The following CACNG4 variants were observed in gnomAD, a reference collection of about 807,000 sequenced individuals.
CACNG4 encodes the protein voltage-dependent calcium channel gamma-4 subunit.
Under a neutral mutation model 22.9 loss-of-function variants are expected in CACNG4, and 8 were observed. That is an observed-to-expected ratio of 0.35 (90% CI 0.21 to 0.63). CACNG4 has a LOEUF of 0.63. Among genes scored for constraint, CACNG4 ranks in the 30% least tolerant of loss-of-function variants. CACNG4 has a pLI of 0.72. For synonymous variants in CACNG4, 188 were observed against 191.9 expected, an observed-to-expected ratio of 0.98 and a Z score of 0.17; for missense variants, 357 against 455.4, an observed-to-expected ratio of 0.78 and a Z score of 1.97.
chr17:67,017,285 C>T (rs903174767), intron 1 of CACNG4, among the ~76,000 whole-genome samples: 2 of 152,164 alleles, frequency 1.3e-5, no homozygotes, highest in Non-Finnish European at 2.9e-5. Flanking sequence ...CCATATTGCC[C>T]AGGCTGGTCT....
chr17:66,970,630 A>C (rs939507572), intron 1 of CACNG4, among the ~76,000 whole-genome samples: 1 of 152,172 alleles, frequency 6.6e-6, no homozygotes, highest in Non-Finnish European at 1.5e-5. Context: ...GAGAGAGGGC[A>C]CCAGTTTTTT....
rs149180729 is a variant in CACNG4 at position 66,977,439 on chromosome 17, G to C, written c.220+12308G>C. On this transcript the variant is annotated intron_variant, in intron 1 of 3. Coordinates refer to ENST00000262138, the MANE Select transcript of CACNG4 (RefSeq NM_014405.4). ...TCAATAGGACGGGGGTTGTGGGTGG[G>C]GGATCGATGAGACCTGCATTTGAAT... Among the ~76,000 whole-genome samples the C allele has an allele frequency of 4.0e-3, 603 of 152,246 alleles. 8 individuals carry two copies. Among genetic ancestry groups the C allele is most frequent in the African/African-American group, 0.014 (585 of 41,528 alleles).
rs561691013 is a variant in CACNG4 at position 67,002,155 on chromosome 17, A to T, written c.221-16034A>T. Reference sequence around the variant, plus strand: ...AGTTCCACGTGGCTGGAGAGGCCTCATGATCATAGCAGAAGGCAAAGGAGG... The same window carrying T: ...AGTTCCACGTGGCTGGAGAGGCCTCTTGATCATAGCAGAAGGCAAAGGAGG... On this transcript the variant is annotated intron_variant, in intron 1 of 3. Transcript: ENST00000262138. Among the ~76,000 whole-genome samples, 65 of 152,354 alleles carry T rather than the reference A, an allele frequency of 4.3e-4. 2 individuals carry two copies. The South Asian group carries it at 0.013, about 31-fold the overall frequency.
intron 1 of CACNG4, among the ~76,000 whole-genome samples, chr17:67,000,765 T>C (rs1164665170): frequency 1.3e-5 from 2 of 152,156 alleles, no homozygotes; most frequent in Non-Finnish European, 2.9e-5. Flanking sequence ...TGGACAGCGA[T>C]GGGGGCACAA....
At chr17:67,013,663 G>A (rs547778363) in intron 1 of CACNG4, among the ~76,000 whole-genome samples, 1 of 152,164 alleles carries the variant, frequency 6.6e-6, no homozygotes, top group East Asian at 1.9e-4. Flanking sequence ...AAATTAGCCA[G>A]GCTTAGTGGC....
rs2035155897 is a variant in CACNG4 at position 66,964,846 on chromosome 17, G to A, written c.-66G>A. On this transcript the variant is annotated 5_prime_UTR_variant, in exon 1 of 4. Coordinates refer to ENST00000262138, the MANE Select transcript of CACNG4 (RefSeq NM_014405.4). ...CCCCGGCGCCCCCGGAGCGGCGCGC[G>A]GAGGGAGGAGGGCGGGCGGGCGCGG... 50 of 993,376 alleles carry A rather than the reference G, an allele frequency of 5.0e-5. No homozygotes were observed. The highest frequency in any genetic ancestry group is 1.4e-4 in the South Asian group (3 of 21,320). The allele number at this position is 993,376 out of a possible 1,614,324, so 61.5% of individuals were successfully genotyped here.
In CACNG4 at chr17:66,999,055, G is replaced by A. The variant is rs184982557; in HGVS notation, c.221-19134G>A. On this transcript the variant is annotated intron_variant, in intron 1 of 3. Transcript: ENST00000262138. ...TCAGGCTCTGAAGGATGATGGCTTGGGTTCTAGTCCCAGCCCTGCACTAGA... is the reference window on the plus strand; with the variant it reads ...TCAGGCTCTGAAGGATGATGGCTTGAGTTCTAGTCCCAGCCCTGCACTAGA... Among the ~76,000 whole-genome samples the A allele has an allele frequency of 2.0e-5, 3 of 152,230 alleles. 1 individual carries two copies. Among genetic ancestry groups the A allele is most frequent in the Admixed American group, 2.0e-4 (3 of 15,280 alleles).
intron 1 of CACNG4, among the ~76,000 whole-genome samples, chr17:66,967,532 C>T (rs2035177835): frequency 6.6e-6 from 1 of 152,194 alleles, no homozygotes; most frequent in South Asian, 2.1e-4. Flanking sequence ...AGAGCTGAGG[C>T]CTGGACAGCA....
At chr17:66,967,483 C>T (rs937278246) in intron 1 of CACNG4, among the ~76,000 whole-genome samples, 9 of 152,152 alleles carry the variant, frequency 5.9e-5, no homozygotes, top group African/African-American at 2.2e-4. Context: ...CACCTGACAC[C>T]TCACCTCCTA....
At chr17:67,023,826 C>T (rs1370676233) in intron 2 of CACNG4, among the ~76,000 whole-genome samples, 2 of 152,180 alleles carry the variant, frequency 1.3e-5, no homozygotes, top group South Asian at 2.1e-4. Flanking sequence ...ATCTGCCTGC[C>T]TTGGCCTCCC....
At chr17:66,979,109 C>T (rs2035255778) in intron 1 of CACNG4, among the ~76,000 whole-genome samples, 1 of 152,222 alleles carries the variant, frequency 6.6e-6, no homozygotes, top group Non-Finnish European at 1.5e-5. Context: ...TCCCAGTCAC[C>T]ACACCCACAC....
Position 67,031,660 on chromosome 17 carries a change from G to C in CACNG4, c.*656G>C, listed in dbSNP as rs546999144. On this transcript the variant is annotated 3_prime_UTR_variant, in exon 4 of 4. Coordinates refer to ENST00000262138, the MANE Select transcript of CACNG4 (RefSeq NM_014405.4). This position sits in a 1 kb window ranked among gnomAD's most constrained non-coding sequence, Gnocchi z 4.0. ...CCTCGACCTGGGGAGGCCGTGGCCT[G>C]TGGAGGAGGCCCAGGTAAAGGCTGG... 4.4e-6 allele frequency: 2 copies of C among 456,692 alleles called. No homozygotes were observed. The highest frequency in any genetic ancestry group is 4.0e-5 in the African/African-American group (2 of 50,094). The allele number at this position is 456,692 out of a possible 1,614,324, so 28.3% of individuals were successfully genotyped here. A position where few individuals can be genotyped will look rare whatever the true frequency, so the allele number is the denominator to read the frequency against.
At chr17:66,996,570 A>G (rs1260011608) in intron 1 of CACNG4, among the ~76,000 whole-genome samples, 3 of 151,964 alleles carry the variant, frequency 2.0e-5, no homozygotes, top group Non-Finnish European at 4.4e-5. Flanking sequence ...TGGTAGAGAC[A>G]GGGTTTCACC....
intron 1 of CACNG4, among the ~76,000 whole-genome samples, chr17:67,004,798 A>G (rs758985285): frequency 6.6e-6 from 1 of 152,142 alleles, no homozygotes; most frequent in African/African-American, 2.4e-5. Context: ...ATCTCAGCTC[A>G]CTACAGCCTC....
intron 3 of CACNG4, among the ~76,000 whole-genome samples, chr17:67,026,313 G>A (rs1426415987): frequency 6.6e-6 from 1 of 151,514 alleles, no homozygotes; most frequent in Non-Finnish European, 1.5e-5. Flanking sequence ...TGTGGTGTGT[G>A]TGTGTATTTG....
In CACNG4 at chr17:66,964,901, A is replaced by T; in HGVS notation, c.-11A>T. 1 of 1,445,972 alleles carries T rather than the reference A, an allele frequency of 6.9e-7. No homozygotes were observed. The highest frequency in any genetic ancestry group is 9.2e-7 in the Non-Finnish European group (1 of 1,092,588). 89.6% of individuals were successfully genotyped at this position (1,445,972 alleles called of 1,614,324 possible). On this transcript the variant is annotated 5_prime_UTR_variant, in exon 1 of 4. Transcript: ENST00000262138. ...CCGGGCCGGCGGGCGGCGGACTATGAGGCGCCCACCATGGTGCGATGCGAC... is the reference window on the plus strand; with the variant it reads ...CCGGGCCGGCGGGCGGCGGACTATGTGGCGCCCACCATGGTGCGATGCGAC...
intron 1 of CACNG4, among the ~76,000 whole-genome samples, chr17:66,987,890 T>C (rs956776739): frequency 6.6e-6 from 1 of 152,138 alleles, no homozygotes; most frequent in African/African-American, 2.4e-5. Flanking sequence ...GAGCTTACTG[T>C]TGGTCTCTGT....
chr17:67,014,706 G>A (rs2035486774), intron 1 of CACNG4, among the ~76,000 whole-genome samples: 1 of 152,180 alleles, frequency 6.6e-6, no homozygotes, highest in South Asian at 2.1e-4. Flanking sequence ...GGAGGCCACG[G>A]TGGGTGGATT....
intron 1 of CACNG4, among the ~76,000 whole-genome samples, chr17:66,980,877 C>G (rs374500704): frequency 6.6e-6 from 1 of 152,072 alleles, no homozygotes; most frequent in East Asian, 1.9e-4. Flanking sequence ...CCTCAGCCTC[C>G]CAAAGTCCTG....
Sources: gnomAD v4.1 joint callset for allele counts (sites outside exome capture counted in the v4.1 genomes callset) on GRCh38, gnomAD v4.1.1 for gene constraint, Gnocchi (gnomAD v3.1) non-coding constraint, MANE v1.5 for transcripts, NCBI Gene and HGNC (gene_info 2026-07-23, HGNC 2026-07-21) for gene names.